The following SPAG16 variants were observed in gnomAD, a reference collection of about 807,000 sequenced individuals.
SPAG16 encodes sperm associated antigen 16, also known as sperm-associated antigen 16 protein.
Under a neutral mutation model 80.4 loss-of-function variants are expected in SPAG16, and 86 were observed. That is an observed-to-expected ratio of 1.07 (90% confidence interval 0.90 to 1.28). The LOEUF is 1.28. Among genes scored for constraint, SPAG16 ranks in the 50% most tolerant of loss-of-function variants. The pLI, the probability that SPAG16 is intolerant of heterozygous loss-of-function variation, is 0.00. For synonymous variants in SPAG16, 294 were observed against 265.9 expected, an observed-to-expected ratio of 1.11 and a Z score of -1.03; for missense variants, 870 against 765.3, an observed-to-expected ratio of 1.14 and a Z score of -1.61.
At chr2:213,572,400 G>A (rs1295764582) in intron 10 of SPAG16, among the ~76,000 whole-genome samples, 1 of 128,248 alleles carries the variant, frequency 7.8e-6, no homozygotes, top group Non-Finnish European at 1.6e-5. Flanking sequence ...TGATGGTGAT[G>A]TACAGATGGG....
chr2:214,369,752 C>A (rs2126085776), intron 15 of SPAG16, among the ~76,000 whole-genome samples: 1 of 152,076 alleles, frequency 6.6e-6, no homozygotes, highest in Non-Finnish European at 1.5e-5. Context: ...CCCCTGCTAT[C>A]TCAGGGGAAG....
intron 10 of SPAG16, among the ~76,000 whole-genome samples, chr2:213,759,604 T>G (rs1391896280): frequency 2.0e-5 from 3 of 151,690 alleles, no homozygotes; most frequent in Non-Finnish European, 2.9e-5. Context: ...ATAATCCCTA[T>G]GGTAACCACC....
chr2:213,790,792 T>C (rs546015165), intron 10 of SPAG16, among the ~76,000 whole-genome samples: 1 of 152,186 alleles, frequency 6.6e-6, no homozygotes, highest in East Asian at 1.9e-4. Context: ...TGTATAATGA[T>C]TTTGTCATGG....
intron 11 of SPAG16, among the ~76,000 whole-genome samples, chr2:213,896,716 A>G (rs970075432): frequency 6.6e-6 from 1 of 151,974 alleles, no homozygotes; most frequent in African/African-American, 2.4e-5. Context: ...AGCTATACCA[A>G]AATGAAATTC....
chr2:213,877,650 A>G (rs1575434388), intron 11 of SPAG16, among the ~76,000 whole-genome samples: 2 of 152,026 alleles, frequency 1.3e-5, no homozygotes, highest in African/African-American at 4.8e-5. Context: ...TGTGTTCTCT[A>G]CTGGGTTGTG....
chr2:214,336,820 T>C (rs1015742218), intron 15 of SPAG16, among the ~76,000 whole-genome samples: 1 of 150,710 alleles, frequency 6.6e-6, no homozygotes, highest in Admixed American at 6.7e-5. Context: ...TGTAATGATA[T>C]ATCTCTACAA....
At chr2:213,720,015 G>A (rs1269679113) in intron 10 of SPAG16, among the ~76,000 whole-genome samples, 4 of 152,116 alleles carry the variant, frequency 2.6e-5, no homozygotes, top group African/African-American at 7.2e-5. Flanking sequence ...CCATAAAAAA[G>A]GATGAGTTCA....
intron 10 of SPAG16, among the ~76,000 whole-genome samples, chr2:213,552,587 A>G (rs970926383): frequency 6.6e-6 from 1 of 152,234 alleles, no homozygotes; most frequent in African/African-American, 2.4e-5. Context: ...TTTCAAAAAC[A>G]TATTCTCAAA....
intron 10 of SPAG16, among the ~76,000 whole-genome samples, chr2:213,494,119 C>G (rs923990184): frequency 1.3e-5 from 2 of 152,168 alleles, no homozygotes; most frequent in Non-Finnish European, 2.9e-5. Context: ...AGGCTCATAT[C>G]CTTCTCAGCA....
intron 15 of SPAG16, among the ~76,000 whole-genome samples, chr2:214,152,102 A>G (rs775194560): frequency 6.6e-6 from 1 of 152,208 alleles, no homozygotes; most frequent in Non-Finnish European, 1.5e-5. Flanking sequence ...GAATAAATTG[A>G]AAGTAGAGGT....
At chr2:213,292,062 A>G (rs554554428) in intron 1 of SPAG16, among the ~76,000 whole-genome samples, 98 of 152,332 alleles carry the variant, frequency 6.4e-4, no homozygotes, top group Non-Finnish European at 1.1e-3. Flanking sequence ...GATATTTTCT[A>G]TGCTTCGAGG....
chr2:213,838,468 G>A (rs2074209349), intron 10 of SPAG16, among the ~76,000 whole-genome samples: 1 of 152,084 alleles, frequency 6.6e-6, no homozygotes, highest in Non-Finnish European at 1.5e-5. Flanking sequence ...CCACTGCGCT[G>A]GGCCATCTCT....
intron 15 of SPAG16, among the ~76,000 whole-genome samples, chr2:214,386,330 G>GTGA (rs1700749418): frequency 6.6e-6 from 1 of 152,152 alleles, no homozygotes; most frequent in Admixed American, 6.5e-5. Flanking sequence ...TGGCAGTGAG[G>GTGA]TGATGTCACA....
chr2:213,554,969 T>C (rs1376481984), intron 10 of SPAG16, among the ~76,000 whole-genome samples: 2 of 151,504 alleles, frequency 1.3e-5, no homozygotes, highest in Non-Finnish European at 2.9e-5. Flanking sequence ...CCGAGAAAGA[T>C]AAAAATTATT....
At chr2:213,874,480 T>C (rs919558713) in intron 11 of SPAG16, among the ~76,000 whole-genome samples, 22 of 152,210 alleles carry the variant, frequency 1.4e-4, no homozygotes, top group South Asian at 1.0e-3. Flanking sequence ...TCAGGATCAT[T>C]AATATCACTT....
chr2:214,135,426 G>A (rs986785136), intron 14 of SPAG16, among the ~76,000 whole-genome samples: 1 of 152,128 alleles, frequency 6.6e-6, no homozygotes, highest in Non-Finnish European at 1.5e-5. Context: ...CTGTTTTGGT[G>A]TGTTTTACCC....
At chr2:214,296,743 T>C (rs1039433753) in intron 15 of SPAG16, among the ~76,000 whole-genome samples, 4 of 152,190 alleles carry the variant, frequency 2.6e-5, no homozygotes, top group Non-Finnish European at 5.9e-5. Flanking sequence ...TGGATGTATG[T>C]CCCCTCTAAA....
intron 12 of SPAG16, among the ~76,000 whole-genome samples, chr2:214,003,984 A>G (rs1374467609): frequency 1.3e-5 from 2 of 152,182 alleles, no homozygotes; most frequent in African/African-American, 4.8e-5. Context: ...TGTTAAAGCC[A>G]CCCTGTTTAT....
intron 10 of SPAG16, among the ~76,000 whole-genome samples, chr2:213,495,901 G>A (rs1262946483): frequency 3.3e-5 from 5 of 152,154 alleles, no homozygotes; most frequent in Non-Finnish European, 5.9e-5. Context: ...TGACCCTGGA[G>A]AATAGGAGGG....
Sources: gnomAD v4.1 joint callset for allele counts (sites outside exome capture counted in the v4.1 genomes callset) on GRCh38, gnomAD v4.1.1 for gene constraint, MANE v1.5 for transcripts, NCBI Gene and HGNC (gene_info 2026-07-23, HGNC 2026-07-21) for gene names.